GPM6A: variants seen among roughly 807,000 people sequenced by gnomAD.
The protein encoded by GPM6A is glycoprotein M6A.
Under a neutral mutation model 32.1 loss-of-function variants are expected in GPM6A, and 7 were observed. The observed-to-expected ratio is 0.22, with a 90% CI of 0.12 to 0.41. The LOEUF (loss-of-function observed/expected upper bound fraction) is 0.41. Ranked by LOEUF, GPM6A falls within the 10% of genes least tolerant of loss-of-function variation. The pLI, the probability that GPM6A is intolerant of heterozygous loss-of-function variation, is 1.00. For missense variants in GPM6A, 235 were observed against 347.2 expected, an observed-to-expected ratio of 0.68 and a Z score of 2.57; for synonymous variants, 130 against 123.4, an observed-to-expected ratio of 1.05 and a Z score of -0.35.
chr4:175,844,913 G>A lies in GPM6A; in HGVS notation c.-22-32664C>T, dbSNP rs1371233248. On this transcript the variant is annotated intron_variant, in intron 1 of 7. Transcript: ENST00000280187. ...CCTAAGAAGAGGGATGAAGAGGGGCGTAGGTGATAAATATGTTAAGCACTT... is the reference window on the plus strand; with the variant it reads ...CCTAAGAAGAGGGATGAAGAGGGGCATAGGTGATAAATATGTTAAGCACTT... 3.9e-5 allele frequency among the ~76,000 whole-genome samples: 6 copies of A among 152,184 alleles called. No individual in the cohort carries two copies. The East Asian group carries it at 5.8e-4, about 15-fold the overall frequency.
At chr4:175,809,506 A>G (rs1734831093) in intron 1 of GPM6A, among the ~76,000 whole-genome samples, 1 of 151,968 alleles carries the variant, frequency 6.6e-6, no homozygotes. Context: ...GATTCCCCTC[A>G]GCATAATGAG....
chr4:175,754,005 C>A (rs1376838656), intron 1 of GPM6A, among the ~76,000 whole-genome samples: 3 of 152,108 alleles, frequency 2.0e-5, no homozygotes, highest in Non-Finnish European at 4.4e-5. Flanking sequence ...ATGTCAATTA[C>A]TCCAACTAGA....
intron 1 of GPM6A, among the ~76,000 whole-genome samples, chr4:175,715,559 G>A (rs1297755570): frequency 6.6e-6 from 1 of 152,148 alleles, no homozygotes; most frequent in African/African-American, 2.4e-5. Context: ...GGGATGGGAG[G>A]AAGAGTTGAA....
chr4:175,725,826 T>C (rs1746374452), intron 1 of GPM6A, among the ~76,000 whole-genome samples: 1 of 152,124 alleles, frequency 6.6e-6, no homozygotes, highest in Non-Finnish European at 1.5e-5. Flanking sequence ...ATAATTTACA[T>C]GAAATGAATG....
At chr4:175,901,829 T>G (rs536077724) in intron 1 of GPM6A, among the ~76,000 whole-genome samples, 1 of 151,890 alleles carries the variant, frequency 6.6e-6, no homozygotes, top group Admixed American at 6.6e-5. Context: ...GCTTTCACCA[T>G]GTTGGCCAGG....
intron 1 of GPM6A, among the ~76,000 whole-genome samples, chr4:175,927,038 GTTT>G (rs1259543276): frequency 6.6e-6 from 1 of 152,110 alleles, no homozygotes; most frequent in African/African-American, 2.4e-5. Context: ...TTCTAATTTG[GTTT>G]TTGTTATTTT....
At chr4:175,662,949 AT>A (rs1166198439) in intron 3 of GPM6A, among the ~76,000 whole-genome samples, 1 of 152,190 alleles carries the variant, frequency 6.6e-6, no homozygotes, top group Non-Finnish European at 1.5e-5. Context: ...TATATATAAA[AT>A]CATTAAGTAA....
chr4:175,945,413 A>AT (rs1380342115), intron 1 of GPM6A, among the ~76,000 whole-genome samples: 1 of 152,148 alleles, frequency 6.6e-6, no homozygotes, highest in Non-Finnish European at 1.5e-5. Context: ...TGAAACAGAA[A>AT]TAAATACCAC....
At chr4:175,889,549 C>T (rs909161219) in intron 1 of GPM6A, among the ~76,000 whole-genome samples, 2 of 148,558 alleles carry the variant, frequency 1.3e-5, no homozygotes, top group African/African-American at 5.1e-5. Context: ...GGCGCAGTGG[C>T]TCGCGCCTGT....
chr4:175,947,758 C>T (rs1475822092), intron 1 of GPM6A: 1 of 152,142 alleles, frequency 6.6e-6, no homozygotes, highest in Non-Finnish European at 1.5e-5. Context: ...ATTGCACAAT[C>T]AATATTACTA....
At chr4:175,743,442 C>T (rs1336339428) in intron 1 of GPM6A, among the ~76,000 whole-genome samples, 1 of 151,668 alleles carries the variant, frequency 6.6e-6, no homozygotes, top group African/African-American at 2.4e-5. Context: ...ACAAAAGATA[C>T]AATTAATCCA....
intron 3 of GPM6A, among the ~76,000 whole-genome samples, chr4:175,670,861 A>ATTTTTTT (rs33998725): frequency 0.014 from 1,675 of 124,050 alleles, 26 homozygotes; most frequent in Non-Finnish European, 0.02. Flanking sequence ...ATGTTGCTTC[A>ATTTTTTT]TTTTTTTTTT....
At chr4:175,815,718 C>CTT (rs60711329), upstream of GPM6A, among the ~76,000 whole-genome samples, 108,630 of 127,048 alleles carry the variant, frequency 0.86, 47,323 homozygotes, top group Middle Eastern at 0.95. Context: ...TTTTTCTTTT[C>CTT]TTTTTTTTTT....
chr4:175,818,694 G>T (rs955665147), intron 1 of GPM6A, among the ~76,000 whole-genome samples: 2 of 152,212 alleles, frequency 1.3e-5, no homozygotes, highest in Non-Finnish European at 2.9e-5. Context: ...ATGTTTATCT[G>T]CTTCCACAAA....
At chr4:175,862,831 T>C (rs1736613994) in intron 1 of GPM6A, among the ~76,000 whole-genome samples, 1 of 152,112 alleles carries the variant, frequency 6.6e-6, no homozygotes, top group Non-Finnish European at 1.5e-5. Context: ...ATTTAAAAAA[T>C]AAATTTTATG....
chr4:175,644,343 G>A (rs1741333170), intron 4 of GPM6A, among the ~76,000 whole-genome samples: 1 of 151,900 alleles, frequency 6.6e-6, no homozygotes, highest in South Asian at 2.1e-4. Context: ...TCCTTCTGAG[G>A]AGGCAAGAAG....
At chr4:175,895,863 A>G (rs1465827755) in intron 1 of GPM6A, among the ~76,000 whole-genome samples, 1 of 152,162 alleles carries the variant, frequency 6.6e-6, no homozygotes, top group Non-Finnish European at 1.5e-5. Flanking sequence ...GTAACTCTTC[A>G]TAATCATACC....
At chr4:175,695,799 G>A (rs1258641923) in intron 2 of GPM6A, among the ~76,000 whole-genome samples, 1 of 152,088 alleles carries the variant, frequency 6.6e-6, no homozygotes, top group African/African-American at 2.4e-5. Context: ...ATTTGGGAGA[G>A]GCCTAGGGCA....
At chr4:175,962,659 AC>A (rs2126405369) in intron 1 of GPM6A, among the ~76,000 whole-genome samples, 1 of 152,284 alleles carries the variant, frequency 6.6e-6, no homozygotes, top group Non-Finnish European at 1.5e-5. Flanking sequence ...TATGGCACCT[AC>A]AGCAAAGGAA....
Sources: gnomAD v4.1 joint callset for allele counts (sites outside exome capture counted in the v4.1 genomes callset) on GRCh38, gnomAD v4.1.1 for gene constraint, MANE v1.5 for transcripts, NCBI Gene and HGNC (gene_info 2026-07-23, HGNC 2026-07-21) for gene names.